The following SETDB2 variants were observed in gnomAD, a reference collection of about 807,000 sequenced individuals.
SETDB2 encodes SET domain bifurcated histone lysine methyltransferase 2.
In SETDB2, 56 loss-of-function variants were observed where a neutral mutation model predicts 82.5. The observed-to-expected ratio is 0.68, with a 90% CI of 0.55 to 0.85. The LOEUF is 0.85. Ranked by LOEUF, SETDB2 falls within the 40% of genes least tolerant of loss-of-function variation. SETDB2 has a pLI of 0.00. For synonymous variants in SETDB2, 272 were observed against 284.9 expected (o/e 0.95, Z 0.46); for missense variants, 677 against 816.4 (o/e 0.83, Z 2.08).
chr13:49,445,644 A>G (rs1957659325), intron 1 of SETDB2: 2 of 152,134 alleles, frequency 1.3e-5, no homozygotes, highest in South Asian at 2.1e-4. Flanking sequence ...AAACAAAGCT[A>G]TGGGCCGGGC....
At chr13:49,470,966 CTTT>C (rs55920370) in intron 5 of SETDB2, among the ~76,000 whole-genome samples, 1 of 80,486 alleles carries the variant, frequency 1.2e-5, no homozygotes, top group Non-Finnish European at 2.1e-5. Context: ...TTCTTTCTTT[CTTT>C]TTTTTTTTTT....
intron 8 of SETDB2, among the ~76,000 whole-genome samples, chr13:49,481,348 G>A (rs1958473011): frequency 6.6e-6 from 1 of 152,094 alleles, no homozygotes; most frequent in African/African-American, 2.4e-5. Context: ...TTGGGTTTTT[G>A]TGTGAGGGCC....
chr13:49,467,698 A>G (rs1958145125), intron 4 of SETDB2, among the ~76,000 whole-genome samples, 166 bp from the exon 5 acceptor site: 1 of 152,222 alleles, frequency 6.6e-6, no homozygotes, highest in Non-Finnish European at 1.5e-5. Flanking sequence ...ATATTTTTGA[A>G]AATATTGACA....
intron 9 of SETDB2, 32 bp from the exon 10 acceptor site, chr13:49,483,432 G>T (rs1210915687): frequency 2.4e-6 from 2 of 839,436 alleles, no homozygotes. Flanking sequence ...AGAATTTTTA[G>T]TGATACAGAA....
rs1423715367 is a variant in SETDB2 at position 49,480,328 on chromosome 13, C to T, written c.979C>T (p.Pro327Ser). Residue 327 changes from proline to serine, a missense_variant, in exon 7 of 14, where the codon CCT becomes TCT. By Grantham distance (74) the Pro-to-Ser change is moderately conservative (BLOSUM62 -1). Coordinates refer to ENST00000611815, the MANE Select transcript of SETDB2 (RefSeq NM_001160308.3). ...ATATAAAAGACTACAGAGACAGATT[C>T]CTACTGGGTAAGGTACCTTGAGGAT... ...YKYKRLQRQI[P>S]TGIYECSLLC... The T allele has an allele frequency of 6.3e-7, 1 of 1,586,470 alleles. No individual in the cohort carries two copies. Among genetic ancestry groups the T allele is most frequent in the South Asian group, 1.1e-5 (1 of 87,426 alleles).
chr13:49,452,570 TATTAACTGAAGTCC>T (rs1411809508), intron 2 of SETDB2, among the ~76,000 whole-genome samples: 1 of 152,204 alleles, frequency 6.6e-6, no homozygotes, highest in Non-Finnish European at 1.5e-5. Context: ...GGCACATTAT[TATTAACTGAAGTCC>T]ATAGTATATT....
intron 5 of SETDB2, among the ~76,000 whole-genome samples, chr13:49,469,621 T>C (rs1397572152): frequency 6.6e-6 from 1 of 152,060 alleles, no homozygotes; most frequent in Non-Finnish European, 1.5e-5. Flanking sequence ...TCCTTCCCTT[T>C]TTAAAAATCA....
chr13:49,452,813 G>A (rs567559538), intron 2 of SETDB2, among the ~76,000 whole-genome samples: 29 of 152,108 alleles, frequency 1.9e-4, no homozygotes, highest in Non-Finnish European at 3.8e-4. Context: ...TGACTGGAGC[G>A]ATGGGTTTTG....
At chr13:49,466,141 T>C (rs1430122521) in intron 4 of SETDB2, among the ~76,000 whole-genome samples, 1 of 152,092 alleles carries the variant, frequency 6.6e-6, no homozygotes, top group Non-Finnish European at 1.5e-5. Flanking sequence ...GAATAAAGAA[T>C]AGGGAGTCTT....
intron 2 of SETDB2, among the ~76,000 whole-genome samples, chr13:49,453,408 TG>T (rs1396677492): frequency 2.6e-5 from 4 of 151,994 alleles, no homozygotes; most frequent in Admixed American, 1.3e-4. Flanking sequence ...GCAATTCTCT[TG>T]CCTCAGCCTC....
rs530296101 is a variant in SETDB2, at chr13:49,480,082, G to A, written c.870-137G>A. 2.1e-5 allele frequency: 12 copies of A among 580,992 alleles called. No individual in the cohort carries two copies. In the South Asian group the frequency reaches 2.7e-4, roughly 13 times the overall value. 36.0% of individuals were successfully genotyped at this position (580,992 alleles called of 1,614,324 possible). A position where few individuals can be genotyped will look rare whatever the true frequency, so the allele number is the denominator to read the frequency against. On this transcript the variant is annotated intron_variant, in intron 6 of 13. Coordinates refer to ENST00000611815, the MANE Select transcript of SETDB2 (RefSeq NM_001160308.3). Reference sequence around the variant, plus strand: ...TCAAAGAGATCTATTTAGGGAAAAAGCTGATAGTGTTCATGAGCCAAACTA... The same window carrying A: ...TCAAAGAGATCTATTTAGGGAAAAAACTGATAGTGTTCATGAGCCAAACTA...
chr13:49,477,003 C>T lies in SETDB2; in HGVS notation c.833C>T (p.Thr278Ile), dbSNP rs1332513911. The change falls in exon 6 of 14, where the codon ACT becomes ATT. Residue 278 changes from threonine (T) to isoleucine (I), a missense_variant. By Grantham distance (89) the Thr-to-Ile change is moderately conservative. Around this residue, in one of 3 missense-constraint regions of SETDB2, gnomAD observed 420 missense variants for 554.6 expected, o/e 0.76. Coordinates refer to ENST00000611815, the MANE Select transcript of SETDB2 (RefSeq NM_001160308.3). ...YNLTNFSSMF[T>I]DSCDCSEGCI... ...CTAACCAACTTTTCCAGCATGTTTA[C>T]TGATTCCTGTGACTGCTCTGAGGGC... The T allele has an allele frequency of 1.2e-6, 2 of 1,609,910 alleles. No individual in the cohort carries two copies. Among genetic ancestry groups the T allele is most frequent in the South Asian group, 1.1e-5 (1 of 90,708 alleles).
chr13:49,453,358 G>A (rs1057321350), intron 2 of SETDB2, among the ~76,000 whole-genome samples: 2 of 151,074 alleles, frequency 1.3e-5, no homozygotes, highest in East Asian at 1.9e-4. Context: ...GTGCAGCAGC[G>A]CAATCTTGGC....
intron 6 of SETDB2, 127 bp downstream of exon 6, chr13:49,477,166 T>A: frequency 1.2e-6 from 1 of 854,730 alleles, no homozygotes; most frequent in East Asian, 2.8e-5. Flanking sequence ...CTGGGCGTGG[T>A]GGCCCACGTG....
At chr13:49,473,431 G>A (rs780009280) in intron 5 of SETDB2, among the ~76,000 whole-genome samples, 1 of 151,432 alleles carries the variant, frequency 6.6e-6, no homozygotes, top group African/African-American at 2.4e-5. Flanking sequence ...CATGCCTTTC[G>A]TCCCAGCTAC....
At chr13:49,449,806 T>G (rs1957754867) in intron 1 of SETDB2, among the ~76,000 whole-genome samples, 1 of 152,232 alleles carries the variant, frequency 6.6e-6, no homozygotes. Context: ...AGTTTACATT[T>G]AACATTAATG....
At chr13:49,470,941 G>A (rs182922307) in intron 5 of SETDB2, among the ~76,000 whole-genome samples, 19 of 126,054 alleles carry the variant, frequency 1.5e-4, no homozygotes, top group African/African-American at 5.9e-4. Context: ...TTTTTGTGGG[G>A]TTTTTTTGTT....
chr13:49,453,907 A>G (rs1163250942), intron 2 of SETDB2, among the ~76,000 whole-genome samples: 1 of 152,090 alleles, frequency 6.6e-6, no homozygotes, highest in Non-Finnish European at 1.5e-5. Flanking sequence ...TACACAACTC[A>G]TGGCTATAAA....
In SETDB2 at chr13:49,482,850, T is replaced by G; in HGVS notation, c.1270T>G (p.Cys424Gly). 1 of 1,613,018 alleles carries G rather than the reference T, an allele frequency of 6.2e-7. No homozygotes were observed. Among genetic ancestry groups the G allele is most frequent in the Non-Finnish European group, 8.5e-7 (1 of 1,179,204 alleles). The stretch of plus-strand genomic sequence containing the variant: ...AAAAAAGAGGAAATTAGAAGTTGCA[T>G]GTTCAGATTGTGAAGTTGAAGTTCT... ...FSKKRKLEVA[C>G]SDCEVEVLPL... is the part of the protein sequence containing the mutation. The change falls in exon 9 of 14, where the codon TGT (cysteine) becomes GGT (glycine). Residue 424 changes from cysteine to glycine, a missense_variant. Physicochemically the swap from Cys to Gly is radical, Grantham distance 159. Around this residue, in one of 3 missense-constraint regions of SETDB2, gnomAD observed 420 missense variants for 554.6 expected, o/e 0.76. Coordinates refer to ENST00000611815, the MANE Select transcript of SETDB2 (RefSeq NM_001160308.3).
Sources: gnomAD v4.1 joint callset for allele counts (sites outside exome capture counted in the v4.1 genomes callset) on GRCh38, gnomAD v4.1.1 for gene constraint, gnomAD v4.1.1 regional missense constraint, MANE v1.5 for transcripts, NCBI Gene and HGNC (gene_info 2026-07-23, HGNC 2026-07-21) for gene names.